TGIF1: variants seen among roughly 807,000 people sequenced by gnomAD.
The protein encoded by TGIF1 is homeobox protein TGIF1.
In TGIF1, 4 loss-of-function variants were observed where a neutral mutation model predicts 19.3. That is an observed-to-expected ratio of 0.21 (90% CI 0.10 to 0.47). The LOEUF (loss-of-function observed/expected upper bound fraction) is 0.47, where lower values mean the gene tolerates loss of function less well. Among genes scored for constraint, TGIF1 ranks in the 20% least tolerant of loss-of-function variants. The pLI is 0.98. For synonymous variants in TGIF1, 122 were observed against 129.3 expected (o/e 0.94, Z 0.38); for missense variants, 275 against 341.4 (o/e 0.81, Z 1.53).
At chr18:3,430,332 T>TTCC (rs1203806866) in intron 2 of TGIF1, among the ~76,000 whole-genome samples, 2 of 152,210 alleles carry the variant, frequency 1.3e-5, no homozygotes, top group African/African-American at 2.4e-5. Context: ...TTTGCAGAAA[T>TTCC]ATAAAACAAT....
intron 2 of TGIF1, among the ~76,000 whole-genome samples, chr18:3,428,957 G>C (rs958205709): frequency 3.3e-5 from 5 of 152,088 alleles, no homozygotes; most frequent in Admixed American, 2.6e-4. Context: ...GGAGGCTGAA[G>C]CAGGAGAAGT....
At chr18:3,452,499 G>C in intron 1 of TGIF1, 1 of 1,471,966 alleles carries the variant, frequency 6.8e-7, no homozygotes, top group Middle Eastern at 1.8e-4. Flanking sequence ...GTCGTCTGGG[G>C]TGGGCAGGCC....
At chr18:3,432,881 T>C (rs1210325061) in intron 2 of TGIF1, among the ~76,000 whole-genome samples, 1 of 152,036 alleles carries the variant, frequency 6.6e-6, no homozygotes, top group African/African-American at 2.4e-5. Flanking sequence ...TGCCTCAGCC[T>C]CCCGAGTAGC....
intron 2 of TGIF1, among the ~76,000 whole-genome samples, chr18:3,441,698 A>G (rs1333894805): frequency 6.6e-6 from 1 of 152,196 alleles, no homozygotes; most frequent in Non-Finnish European, 1.5e-5. Flanking sequence ...ATGTTAAGGG[A>G]GTGAAATGGA....
At position 3,456,559 on chromosome 18, in the gene TGIF1, A is replaced by G. The variant is rs2049361454; in HGVS notation, c.222A>G (p.Gln74=). 6.2e-7 allele frequency: 1 copy of G among 1,614,278 alleles called. No homozygotes were observed. The highest frequency in any genetic ancestry group is 8.5e-7 in the Non-Finnish European group (1 of 1,180,054). Residue 74 remains glutamine, a synonymous_variant, in exon 2 of 3, where the codon CAA becomes CAG. Transcript: ENST00000343820. The surrounding 1 kb of genome is among the most constrained non-coding windows in gnomAD (Gnocchi z 4.2). ...SEQEKALLSQ[Q]THLSTLQVCN... ...AAGAAAAAGCGTTGCTGTCCCAGCA[A>G]ACACACCTGTCTACGCTACAGGTAA...
intron 2 of TGIF1, among the ~76,000 whole-genome samples, chr18:3,442,345 G>C (rs954534121): frequency 6.6e-6 from 1 of 152,118 alleles, no homozygotes; most frequent in African/African-American, 2.4e-5. Flanking sequence ...AAAGGAATAA[G>C]TTAAAAACTG....
upstream of TGIF1, among the ~76,000 whole-genome samples, chr18:3,446,488 T>G (rs765967870): frequency 1.3e-5 from 2 of 152,192 alleles, no homozygotes; most frequent in Non-Finnish European, 2.9e-5. Context: ...CCTGCCTATC[T>G]TTTCGTTTTA....
At chr18:3,441,875 T>C (rs981142154) in intron 2 of TGIF1, among the ~76,000 whole-genome samples, 15 of 152,210 alleles carry the variant, frequency 9.9e-5, no homozygotes, top group African/African-American at 3.4e-4. Flanking sequence ...TACATTTAAA[T>C]TATAGACTTC....
At chr18:3,429,501 C>A (rs192255989) in intron 2 of TGIF1, among the ~76,000 whole-genome samples, 5 of 152,012 alleles carry the variant, frequency 3.3e-5, no homozygotes, top group Non-Finnish European at 5.9e-5. Flanking sequence ...TGGAAAGATT[C>A]AAAATTTAAA....
intron 1 of TGIF1, chr18:3,452,483 T>C (rs1008733478): frequency 6.5e-7 from 1 of 1,550,306 alleles, no homozygotes; most frequent in Non-Finnish European, 8.8e-7. Context: ...TAGGTTTCCC[T>C]GGCGAGTCGT....
chr18:3,437,574 A>G (rs1008049891), intron 2 of TGIF1, among the ~76,000 whole-genome samples: 1 of 152,184 alleles, frequency 6.6e-6, no homozygotes, highest in African/African-American at 2.4e-5. Context: ...TATATTAGAG[A>G]GAAAGCTTTT....
Position 3,457,694 on chromosome 18 carries a change from G to T in TGIF1, c.573G>T (p.Ser191=), listed in dbSNP as rs142737563. 268 of 1,614,146 alleles carry T rather than the reference G, an allele frequency of 1.7e-4. 1 individual carries two copies. Among genetic ancestry groups the T allele is most frequent in the South Asian group, 7.8e-4 (71 of 91,070 alleles). ...LKDVPFSLCQ[S]VGVGQNTDIQ... Reference sequence around the variant, plus strand: ...ATGTCCCTTTCTCTCTCTGCCAGTCGGTCGGTGTGGGACAAAACACAGATA... The same window carrying T: ...ATGTCCCTTTCTCTCTCTGCCAGTCTGTCGGTGTGGGACAAAACACAGATA... Residue 191 remains serine, a synonymous_variant, in exon 3 of 3, where the codon TCG becomes TCT. Transcript: ENST00000343820. This position sits in a 1 kb window ranked among gnomAD's most constrained non-coding sequence, Gnocchi z 4.9.
In TGIF1 at chr18:3,457,204, G is replaced by A. The variant is rs190194574; in HGVS notation, c.244-161G>A. ...ACAGGTGGTAGCTTGCTTTCTTGGC[G>A]GAGCTCAGATACCTTGAAATAACAT... On this transcript the variant is annotated intron_variant, in intron 2 of 2. Coordinates refer to ENST00000343820, the MANE Select transcript of TGIF1 (RefSeq NM_003244.4). The surrounding 1 kb of genome is among the most constrained non-coding windows in gnomAD (Gnocchi z 4.9). 3.7e-5 allele frequency: 31 copies of A among 842,358 alleles called. No individual in the cohort carries two copies. The highest frequency in any genetic ancestry group is 1.3e-4 in the East Asian group (5 of 37,616). 52.2% of individuals were successfully genotyped at this position (842,358 alleles called of 1,614,324 possible).
upstream of TGIF1, among the ~76,000 whole-genome samples, chr18:3,449,065 G>C (rs150790646): frequency 6.1e-4 from 93 of 152,268 alleles, 3 homozygotes; most frequent in East Asian, 0.015. Flanking sequence ...AGAACCAGAG[G>C]AGGGGGCATG....
At chr18:3,455,136 C>T (rs753077178) in intron 1 of TGIF1, 3 of 151,998 alleles carry the variant, frequency 2.0e-5, no homozygotes, top group Non-Finnish European at 4.4e-5. Flanking sequence ...TATAGAAGTA[C>T]TGATTTTTTT....
In TGIF1 at chr18:3,451,368, C is replaced by G; in HGVS notation, c.16+863C>G. ...GGAGGGGGACGGGGGGTGGAGAAACCACACAAAACACCCCGAAAGGTCAGA... is the reference window on the plus strand; with the variant it reads ...GGAGGGGGACGGGGGGTGGAGAAACGACACAAAACACCCCGAAAGGTCAGA... On this transcript the variant is annotated intron_variant, in intron 1 of 2. Transcript: ENST00000343820. The surrounding 1 kb of genome is among the most constrained non-coding windows in gnomAD (Gnocchi z 5.4). The G allele has an allele frequency of 1.0e-6, 1 of 983,668 alleles. No individual in the cohort carries two copies. The highest frequency in any genetic ancestry group is 1.2e-6 in the Non-Finnish European group (1 of 829,834). The allele number at this position is 983,668 out of a possible 1,614,324, so 60.9% of individuals were successfully genotyped here. A position where few individuals can be genotyped will look rare whatever the true frequency, so the allele number is the denominator to read the frequency against.
At chr18:3,442,676 A>G (rs2082690262) in intron 2 of TGIF1, among the ~76,000 whole-genome samples, 1 of 152,178 alleles carries the variant, frequency 6.6e-6, no homozygotes, top group Admixed American at 6.6e-5. Flanking sequence ...CTTGAAACCA[A>G]GGAGTTCAAG....
chr18:3,442,805 C>T (rs1468047129), intron 2 of TGIF1, among the ~76,000 whole-genome samples: 1 of 152,082 alleles, frequency 6.6e-6, no homozygotes, highest in Non-Finnish European at 1.5e-5. Context: ...AATACATACA[C>T]AAAAATGGGC....
chr18:3,435,201 T>TATATA (rs2082599547), intron 2 of TGIF1, among the ~76,000 whole-genome samples: 2 of 151,624 alleles, frequency 1.3e-5, no homozygotes, highest in Non-Finnish European at 2.9e-5. Context: ...CTATATATAT[T>TATATA]TTTTTTTTTG....
Sources: gnomAD v4.1 joint callset for allele counts (sites outside exome capture counted in the v4.1 genomes callset) on GRCh38, gnomAD v4.1.1 for gene constraint, Gnocchi (gnomAD v3.1) non-coding constraint, MANE v1.5 for transcripts, NCBI Gene and HGNC (gene_info 2026-07-23, HGNC 2026-07-21) for gene names.